Variants in EDAR observed in about 807,000 individuals in gnomAD.
The protein encoded by EDAR is tumor necrosis factor receptor superfamily member EDAR.
Under a neutral mutation model 51.3 loss-of-function variants are expected in EDAR, and 38 were observed. That is an observed-to-expected ratio of 0.74 (90% CI 0.57 to 0.97). EDAR has a LOEUF of 0.97. EDAR is among the 50% of genes least tolerant of loss of function. The probability of loss-of-function intolerance (pLI) is 0.00; values close to 1 mark genes in which losing one functional copy is unlikely to be tolerated. For missense variants in EDAR, 528 were observed against 595.0 expected (o/e 0.89, Z 1.17); for synonymous variants, 227 against 242.1 (o/e 0.94, Z 0.58).
intron 6 of EDAR, 149 bp downstream of exon 6, chr2:108,912,529 G>A (rs551726057): frequency 1.3e-6 from 1 of 763,092 alleles, no homozygotes; most frequent in Non-Finnish European, 2.3e-6. Context: ...TGCACGGGGG[G>A]CAACATGTCA....
chr2:108,973,384 G>C (rs1041440521), intron 1 of EDAR, among the ~76,000 whole-genome samples: 1 of 152,252 alleles, frequency 6.6e-6, no homozygotes, highest in Admixed American at 6.5e-5. Flanking sequence ...GCGGTGCAGA[G>C]AGAGTGTCCG....
chr2:108,971,068 G>A (rs890884754), intron 1 of EDAR, among the ~76,000 whole-genome samples: 5 of 152,096 alleles, frequency 3.3e-5, no homozygotes, highest in Non-Finnish European at 5.9e-5. Flanking sequence ...AGGGTCCGGC[G>A]AGACCGTGCT....
intron 9 of EDAR, among the ~76,000 whole-genome samples, chr2:108,909,395 C>T (rs1353706366): frequency 6.6e-6 from 1 of 152,172 alleles, no homozygotes; most frequent in African/African-American, 2.4e-5. Flanking sequence ...ATCTGGCACA[C>T]AGGATCTCCA....
chr2:108,920,537 G>A (rs566223019), intron 5 of EDAR, among the ~76,000 whole-genome samples: 196 of 152,064 alleles, frequency 1.3e-3, no homozygotes, highest in South Asian at 4.8e-3. Context: ...TCTTTTCACC[G>A]GGCTACAGGG....
intron 11 of EDAR, among the ~76,000 whole-genome samples, chr2:108,901,210 G>A (rs262086): frequency 6.6e-6 from 1 of 152,058 alleles, no homozygotes; most frequent in Non-Finnish European, 1.5e-5. Flanking sequence ...TCACACACTT[G>A]AAAACCAGAC....
intron 4 of EDAR, among the ~76,000 whole-genome samples, chr2:108,928,835 G>A (rs1302674352): frequency 6.6e-6 from 1 of 152,198 alleles, no homozygotes; most frequent in Non-Finnish European, 1.5e-5. Context: ...AGTGTTCCCA[G>A]GATACTAAAA....
chr2:108,966,490 T>C (rs1455181912), intron 1 of EDAR, among the ~76,000 whole-genome samples: 2 of 152,208 alleles, frequency 1.3e-5, no homozygotes, highest in African/African-American at 2.4e-5. Flanking sequence ...TGCAGTTATG[T>C]GGGGTCAGAG....
intron 1 of EDAR, among the ~76,000 whole-genome samples, chr2:108,986,095 T>G (rs1282888638): frequency 1.3e-5 from 2 of 152,126 alleles, no homozygotes; most frequent in Admixed American, 1.3e-4. Flanking sequence ...AAATTAAATA[T>G]GGTCAAGCTC....
chr2:108,966,140 C>A (rs562959190), intron 1 of EDAR, among the ~76,000 whole-genome samples: 1 of 152,234 alleles, frequency 6.6e-6, no homozygotes, highest in South Asian at 2.1e-4. Flanking sequence ...TTTGATAAGA[C>A]CAACTTTGAA....
At chr2:108,978,106 A>T (rs569053021) in intron 1 of EDAR, among the ~76,000 whole-genome samples, 1 of 152,336 alleles carries the variant, frequency 6.6e-6, no homozygotes, top group South Asian at 2.1e-4. Context: ...TAGGAAGACC[A>T]GCAAAGGGCC....
intron 5 of EDAR, among the ~76,000 whole-genome samples, chr2:108,917,217 G>A (rs966583319): frequency 2.0e-5 from 3 of 152,194 alleles, no homozygotes; most frequent in Non-Finnish European, 2.9e-5. Flanking sequence ...AAAGCAACGC[G>A]CGGCTCGTGT....
intron 1 of EDAR, among the ~76,000 whole-genome samples, chr2:108,979,467 T>TCTCTCACACACA (rs1159379988): frequency 2.7e-5 from 4 of 147,112 alleles, no homozygotes; most frequent in African/African-American, 5.0e-5. Flanking sequence ...TCTCTCTCTC[T>TCTCTCACACACA]CACACACACA....
intron 1 of EDAR, among the ~76,000 whole-genome samples, chr2:108,965,232 C>T (rs924697313): frequency 5.3e-5 from 8 of 152,118 alleles, no homozygotes; most frequent in African/African-American, 9.7e-5. Context: ...AATCCCAGCA[C>T]TTTGGGAGGC....
chr2:108,929,082 C>T (rs1366875793), intron 4 of EDAR, 116 bp downstream of exon 4: 12 of 1,211,868 alleles, frequency 9.9e-6, no homozygotes, highest in East Asian at 2.5e-5. Flanking sequence ...GCCAGGTGTG[C>T]GGCTGCACCG....
intron 11 of EDAR, among the ~76,000 whole-genome samples, chr2:108,900,571 A>AC (rs112135496): frequency 1.2e-3 from 178 of 147,458 alleles, no homozygotes; most frequent in Admixed American, 3.0e-3. Flanking sequence ...AAAAAAAAAA[A>AC]AACAAAAAAC....
chr2:108,939,476 A>G (rs777626394), intron 1 of EDAR, among the ~76,000 whole-genome samples: 4 of 152,216 alleles, frequency 2.6e-5, no homozygotes, highest in Non-Finnish European at 5.9e-5. Flanking sequence ...ACAGATTACC[A>G]GGTGGGGAGG....
At chr2:108,959,198 G>C (rs973598571) in intron 1 of EDAR, among the ~76,000 whole-genome samples, 2 of 152,250 alleles carry the variant, frequency 1.3e-5, no homozygotes, top group Non-Finnish European at 2.9e-5. Flanking sequence ...GAAAGCCAAG[G>C]CTTCAGTAAA....
intron 4 of EDAR, among the ~76,000 whole-genome samples, chr2:108,924,273 T>G (rs750307454): frequency 9.9e-5 from 15 of 152,248 alleles, no homozygotes; most frequent in Non-Finnish European, 1.6e-4. Flanking sequence ...GTCTGCCCTG[T>G]GGCTGTGCTC....
At position 108,984,656 on chromosome 2, in the gene EDAR, G is replaced by A. The variant is rs72939932; in HGVS notation, c.-19+4304C>T. 1.7e-3 allele frequency among the ~76,000 whole-genome samples: 253 copies of A among 151,938 alleles called. 1 individual carries two copies. The highest frequency in any genetic ancestry group is 5.9e-3 in the African/African-American group (245 of 41,414). Reference sequence around the variant, plus strand: ...CAAGAGGCCCCCACTACTACCCTGGGCACCTTCTTTCTACCTGCCCTGCTA... The same window carrying A: ...CAAGAGGCCCCCACTACTACCCTGGACACCTTCTTTCTACCTGCCCTGCTA... On this transcript the variant is annotated intron_variant, in intron 1 of 11. Coordinates refer to ENST00000258443, the MANE Select transcript of EDAR (RefSeq NM_022336.4).
Sources: gnomAD v4.1 joint callset for allele counts (sites outside exome capture counted in the v4.1 genomes callset) on GRCh38, gnomAD v4.1.1 for gene constraint, MANE v1.5 for transcripts, NCBI Gene and HGNC (gene_info 2026-07-23, HGNC 2026-07-21) for gene names.